The following LRP11 variants were observed in gnomAD, a reference collection of about 807,000 sequenced individuals.
LRP11 encodes the protein LDL receptor related protein 11, also known as low-density lipoprotein receptor-related protein 11.
LRP11 carries 25 observed loss-of-function variants against 43.1 expected under a neutral mutation model. The observed-to-expected ratio is 0.58, with a 90% CI of 0.42 to 0.81. LRP11 has a LOEUF of 0.81. Among genes scored for constraint, LRP11 ranks in the 30% least tolerant of loss-of-function variants. The probability of loss-of-function intolerance (pLI) is 0.00; values close to 1 mark genes in which losing one functional copy is unlikely to be tolerated. For missense variants in LRP11, 623 were observed against 665.1 expected (o/e 0.94, Z 0.70); for synonymous variants, 316 against 299.4 (o/e 1.06, Z -0.57).
At position 149,826,359 on chromosome 6, in the gene LRP11, T is replaced by A. The variant is rs757540244; in HGVS notation, c.1253A>T (p.Asp418Val). The A allele has an allele frequency of 7.5e-6, 12 of 1,605,430 alleles. No homozygotes were observed. The highest frequency in any genetic ancestry group is 1.0e-5 in the Non-Finnish European group (12 of 1,172,202). Residue 418 changes from aspartate (D) to valine (V), a missense_variant and splice_region_variant, in exon 6 of 7, where the codon GAT (aspartate) becomes GTT (valine). Coordinates refer to ENST00000239367, the MANE Select transcript of LRP11 (RefSeq NM_032832.6). ...PESQIIPVMP[D>V]SSSSGKNRKE... ...TCTGTTCTTCCCTGAGGAACTACTA[T>A]CTGCAGAAAAGAAAGAGAACATATA...
chr6:149,830,001 T>C (rs1776387283), intron 5 of LRP11, among the ~76,000 whole-genome samples: 1 of 151,016 alleles, frequency 6.6e-6, no homozygotes, highest in East Asian at 2.0e-4. Flanking sequence ...GAGAGATTAT[T>C]ATCCTCTTTT....
At chr6:149,830,858 C>T (rs377523528) in intron 5 of LRP11, among the ~76,000 whole-genome samples, 34 of 152,290 alleles carry the variant, frequency 2.2e-4, no homozygotes, top group African/African-American at 7.9e-4. Flanking sequence ...CTAGGATTAC[C>T]CAGGAACCTG....
chr6:149,853,014 C>T lies in LRP11; in HGVS notation c.760G>A (p.Val254Met). 1 of 1,594,508 alleles carries T rather than the reference C, an allele frequency of 6.3e-7. No homozygotes were observed. ...EWALLQGDPSVDMKVPQSGTL... is the reference protein window; with the variant it reads ...EWALLQGDPSMDMKVPQSGTL... ...ACAACATGCGTTACCTTCATGTCCACTGACGGGTCCCCCTGCAGCAGTGCC... is the reference window on the plus strand; with the variant it reads ...ACAACATGCGTTACCTTCATGTCCATTGACGGGTCCCCCTGCAGCAGTGCC... The change falls in exon 2 of 7, where the codon GTG (valine) becomes ATG (methionine). Residue 254 changes from valine to methionine, a missense_variant. Physicochemically the swap from Val to Met is conservative, Grantham distance 21. Transcript: ENST00000239367.
chr6:149,856,325 T>C (rs1439269483), intron 1 of LRP11, among the ~76,000 whole-genome samples: 1 of 152,226 alleles, frequency 6.6e-6, no homozygotes, highest in East Asian at 1.9e-4. Context: ...AGGTGAGCTT[T>C]AAGATGAATT....
rs1776969916 is a variant in LRP11, at chr6:149,863,509, T to G, written c.512A>C (p.Asn171Thr). The G allele has an allele frequency of 7.4e-7, 1 of 1,347,624 alleles. No individual in the cohort carries two copies. Among genetic ancestry groups the G allele is most frequent in the Admixed American group, 4.0e-5 (1 of 24,762 alleles). 83.5% of individuals were successfully genotyped at this position (1,347,624 alleles called of 1,614,324 possible). A position where few individuals can be genotyped will look rare whatever the true frequency, so the allele number is the denominator to read the frequency against. Reference protein sequence around the residue: ...YLFNCTARGRNVCKFALHSGY... With the variant: ...YLFNCTARGRTVCKFALHSGY... ...GCTGTGCAGCGCGAACTTGCAGACG[T>G]TGCGGCCGCGCGCCGTGCAGTTGAA... The change falls in exon 1 of 7, where the codon AAC (asparagine) becomes ACC (threonine). Residue 171 changes from asparagine to threonine, a missense_variant. Transcript: ENST00000239367.
chr6:149,852,885 C>T lies in LRP11; in HGVS notation c.771+118G>A, dbSNP rs995161098. 3.4e-6 allele frequency: 3 copies of T among 874,036 alleles called. No homozygotes were observed. The Admixed American group carries it at 9.9e-5, about 29-fold the overall frequency. 54.1% of individuals were successfully genotyped at this position (874,036 alleles called of 1,614,324 possible). On this transcript the variant is annotated intron_variant, in intron 2 of 6. Coordinates refer to ENST00000239367, the MANE Select transcript of LRP11 (RefSeq NM_032832.6). Reference sequence around the variant, plus strand: ...TTTGGCATAATCAGTTTTATACAGTCTCCATTTTATGCCTTCTGCTAGCGT... The same window carrying T: ...TTTGGCATAATCAGTTTTATACAGTTTCCATTTTATGCCTTCTGCTAGCGT...
At position 149,864,193 on chromosome 6, in the gene LRP11, C is replaced by T. The variant is rs1290720555; in HGVS notation, c.-173G>A. ...GCTGCTCCCCCGAGGTCGCGGGCGC[C>T]GGCGGGAACCGCAGTAGCGGGAGAC... is the stretch of plus-strand genomic sequence containing the variant. On this transcript the variant is annotated 5_prime_UTR_variant, in exon 1 of 7. Transcript: ENST00000239367. 2.7e-6 allele frequency: 3 copies of T among 1,122,714 alleles called. No individual in the cohort carries two copies. Among genetic ancestry groups the T allele is most frequent in the African/African-American group, 3.3e-5 (2 of 60,622 alleles). The allele number at this position is 1,122,714 out of a possible 1,614,324, so 69.5% of individuals were successfully genotyped here.
chr6:149,842,841 GT>G (rs1048373045), intron 3 of LRP11, 141 bp downstream of exon 3: 8 of 1,217,334 alleles, frequency 6.6e-6, no homozygotes, highest in Non-Finnish European at 9.2e-6. Context: ...TTGTTATTGT[GT>G]TTTTAGCAAA....
chr6:149,863,453 GC>G lies in LRP11; in HGVS notation c.567del (p.Pro190ArgfsTer40). On this transcript the variant is annotated frameshift_variant, in exon 1 of 7. Coordinates refer to ENST00000239367, the MANE Select transcript of LRP11 (RefSeq NM_032832.6). LOFTEE classifies it high-confidence loss of function. ...SGYSSYSLSRAPDGAALATAR... is the reference protein window; with the variant it reads ...SGYSSYSLSRXPDGAALATAR... Reference sequence around the variant, plus strand: ...GCGGTGGCCAGGGCGGCGCCGTCCGGCGCGCGGCTGAGGCTGTAGCTGCTGT... The same window carrying G: ...GCGGTGGCCAGGGCGGCGCCGTCCGGGCGCGGCTGAGGCTGTAGCTGCTGT... 7.5e-7 allele frequency: 1 copy of G among 1,325,436 alleles called. No individual in the cohort carries two copies. Among genetic ancestry groups the G allele is most frequent in the South Asian group, 2.2e-5 (1 of 46,364 alleles). The allele number at this position is 1,325,436 out of a possible 1,614,324, so 82.1% of individuals were successfully genotyped here.
chr6:149,839,339 A>G (rs1391245825), intron 3 of LRP11, among the ~76,000 whole-genome samples: 1 of 152,170 alleles, frequency 6.6e-6, no homozygotes, highest in Middle Eastern at 3.2e-3. Flanking sequence ...CTGCGGAAGA[A>G]GAGGAAGCAA....
chr6:149,829,690 C>G (rs941327633), intron 5 of LRP11, among the ~76,000 whole-genome samples: 1 of 151,906 alleles, frequency 6.6e-6, no homozygotes, highest in Non-Finnish European at 1.5e-5. Flanking sequence ...GTCTTTCACC[C>G]AATAAAAAAA....
chr6:149,835,651 GATAGATT>G (rs1443869237), intron 5 of LRP11, among the ~76,000 whole-genome samples: 2 of 152,208 alleles, frequency 1.3e-5, no homozygotes, highest in East Asian at 3.9e-4. Flanking sequence ...TTTTTTTAGT[GATAGATT>G]TAGTTAAATT....
chr6:149,834,039 C>T (rs937690740), intron 5 of LRP11, among the ~76,000 whole-genome samples: 1 of 152,186 alleles, frequency 6.6e-6, no homozygotes. Context: ...CTCCCACCCT[C>T]TGACAGGCCC....
chr6:149,841,044 C>T (rs1489029004), intron 3 of LRP11, among the ~76,000 whole-genome samples: 1 of 152,310 alleles, frequency 6.6e-6, no homozygotes, highest in Admixed American at 6.5e-5. Context: ...TGAATGGTTA[C>T]CCTGCTTCCT....
intron 2 of LRP11, among the ~76,000 whole-genome samples, chr6:149,851,660 A>G (rs202108662): frequency 2.0e-5 from 3 of 152,380 alleles, no homozygotes; most frequent in Middle Eastern, 3.4e-3. Context: ...TGTCATGGAC[A>G]TGATGTGAAG....
Position 149,820,720 on chromosome 6 carries a change from C to T in LRP11, c.1349-17G>A, listed in dbSNP as rs774822295. Reference sequence around the variant, plus strand: ...GCACTGCACCTTTGAGAAGGTTAGACATGAAGAGGGCAAGCCAGTGATTAG... The same window carrying T: ...GCACTGCACCTTTGAGAAGGTTAGATATGAAGAGGGCAAGCCAGTGATTAG... On this transcript the variant is annotated splice_polypyrimidine_tract_variant and intron_variant, in intron 6 of 6. Coordinates refer to ENST00000239367, the MANE Select transcript of LRP11 (RefSeq NM_032832.6). 2.6e-6 allele frequency: 2 copies of T among 780,532 alleles called. No individual in the cohort carries two copies. Among genetic ancestry groups the T allele is most frequent in the Non-Finnish European group, 4.8e-6 (2 of 417,958 alleles). 48.4% of individuals were successfully genotyped at this position (780,532 alleles called of 1,614,324 possible).
At chr6:149,844,866 T>A (rs2115396139) in intron 2 of LRP11, among the ~76,000 whole-genome samples, 1 of 152,378 alleles carries the variant, frequency 6.6e-6, no homozygotes, top group East Asian at 1.9e-4. Context: ...TATAATGAGA[T>A]TACCGTGGTT....
intron 1 of LRP11, among the ~76,000 whole-genome samples, chr6:149,859,738 CTT>C (rs1299286039): frequency 3.9e-5 from 6 of 152,060 alleles, no homozygotes; most frequent in Non-Finnish European, 7.4e-5. Flanking sequence ...TTCCCAGACT[CTT>C]GTTTGCAATT....
intron 5 of LRP11, among the ~76,000 whole-genome samples, chr6:149,829,642 C>T (rs1776383865): frequency 6.6e-6 from 1 of 151,716 alleles, no homozygotes; most frequent in African/African-American, 2.4e-5. Context: ...TGCCAAAATT[C>T]ACCAACTCCC....
Sources: allele counts gnomAD v4.1 joint callset (sites outside exome capture counted in the v4.1 genomes callset), GRCh38; gene constraint gnomAD v4.1.1; transcripts MANE v1.5; gene names NCBI Gene and HGNC (gene_info 2026-07-23, HGNC 2026-07-21).